Variants in GDAP2 observed in about 807,000 individuals in gnomAD.
The protein encoded by GDAP2 is ganglioside-induced differentiation-associated protein 2.
In GDAP2, 51 loss-of-function variants were observed where a neutral mutation model predicts 67.0. That is an observed-to-expected ratio of 0.76 (90% CI 0.61 to 0.96). The LOEUF (loss-of-function observed/expected upper bound fraction) is 0.96. Ranked by LOEUF, GDAP2 falls within the 40% of genes least tolerant of loss-of-function variation. The pLI is 0.00. For synonymous variants in GDAP2, 203 were observed against 207.3 expected (o/e 0.98, Z 0.18); for missense variants, 547 against 588.3 (o/e 0.93, Z 0.73).
At chr1:117,897,789 TC>T (rs1284906653) in intron 7 of GDAP2, among the ~76,000 whole-genome samples, 1 of 152,124 alleles carries the variant, frequency 6.6e-6, no homozygotes, top group Non-Finnish European at 1.5e-5. Context: ...AGCTGGAGTT[TC>T]CCCACGTCTA....
intron 8 of GDAP2, 107 bp downstream of exon 8, chr1:117,896,726 T>G: frequency 1.5e-6 from 1 of 655,992 alleles, no homozygotes; most frequent in Non-Finnish European, 2.4e-6. Context: ...TCATGAAAAA[T>G]AAATTGGAAT....
Position 117,886,447 on chromosome 1 carries a change from C to A in GDAP2, c.1107+130G>T, listed in dbSNP as rs914661988. On this transcript the variant is annotated intron_variant, in intron 10 of 13. Coordinates refer to ENST00000369443, the MANE Select transcript of GDAP2 (RefSeq NM_017686.4). ...AATGATACAGGTCCACTCATAGAAC[C>A]AGGTCTGCTCCTCTGTCAGTGATAC... is the stretch of plus-strand genomic sequence containing the variant. 8 of 607,234 alleles carry A rather than the reference C, an allele frequency of 1.3e-5. 1 individual carries two copies. In the East Asian group the frequency reaches 1.9e-4, roughly 15 times the overall value. The allele number at this position is 607,234 out of a possible 1,614,324, so 37.6% of individuals were successfully genotyped here.
chr1:117,910,106 T>C (rs541816253), intron 5 of GDAP2, among the ~76,000 whole-genome samples: 24 of 152,220 alleles, frequency 1.6e-4, no homozygotes, highest in African/African-American at 5.3e-4. Context: ...AGGCATGTAA[T>C]AACATAGTAG....
chr1:117,928,960 G>A (rs959639757), intron 1 of GDAP2, among the ~76,000 whole-genome samples: 2 of 152,120 alleles, frequency 1.3e-5, no homozygotes, highest in African/African-American at 4.8e-5. Flanking sequence ...CCCCTCAAGC[G>A]GCCAGAGAGC....
chr1:117,911,994 G>C lies in GDAP2; in HGVS notation c.559C>G (p.Arg187Gly). The C allele has an allele frequency of 1.3e-6, 2 of 1,528,668 alleles. No homozygotes were observed. Among genetic ancestry groups the C allele is most frequent in the Non-Finnish European group, 1.8e-6 (2 of 1,102,620 alleles). The allele number at this position is 1,528,668 out of a possible 1,614,324, so 94.7% of individuals were successfully genotyped here. The change falls in exon 5 of 14, where the codon CGC (arginine) becomes GGC (glycine). Residue 187 changes from arginine (R) to glycine (G), a missense_variant and splice_region_variant. Arg to Gly is a moderately radical substitution (Grantham distance 125). Coordinates refer to ENST00000369443, the MANE Select transcript of GDAP2 (RefSeq NM_017686.4). ...GTACAGCATCTCTGATATTACTTAC[G>C]AAGTGCTATGTGTGTTGCATCCTCT... Reference protein sequence around the residue: ...PLEDATHIALRTVRRFLEIHG... With the variant: ...PLEDATHIALGTVRRFLEIHG...
chr1:117,882,245 A>C (rs1648674622), intron 11 of GDAP2, among the ~76,000 whole-genome samples: 1 of 152,152 alleles, frequency 6.6e-6, no homozygotes, highest in East Asian at 1.9e-4. Context: ...CAAAATTTTA[A>C]ACTAAAAGTT....
chr1:117,927,423 G>C (rs745967247), intron 1 of GDAP2, among the ~76,000 whole-genome samples: 38 of 152,058 alleles, frequency 2.5e-4, no homozygotes, highest in Non-Finnish European at 4.3e-4. Flanking sequence ...AGAGAAAAAT[G>C]GTAACTTTTA....
chr1:117,906,350 C>A (rs1416471186), intron 6 of GDAP2, among the ~76,000 whole-genome samples, 156 bp downstream of exon 6: 2 of 152,126 alleles, frequency 1.3e-5, no homozygotes, highest in African/African-American at 4.8e-5. Flanking sequence ...CCAATATAGT[C>A]TTTTTCAATG....
At position 117,863,728 on chromosome 1, in the gene GDAP2, C is replaced by A. The variant is rs942068758; in HGVS notation, c.*6841G>T. 1 of 152,078 alleles carries A rather than the reference C, an allele frequency of 6.6e-6. No homozygotes were observed. Among genetic ancestry groups the A allele is most frequent in the Non-Finnish European group, 1.5e-5 (1 of 68,018 alleles). The allele number at this position is 152,078 out of a possible 1,614,324, so 9.4% of individuals were successfully genotyped here. A position where few individuals can be genotyped will look rare whatever the true frequency, so the allele number is the denominator to read the frequency against. On this transcript the variant is annotated 3_prime_UTR_variant, in exon 14 of 14. Coordinates refer to ENST00000369443, the MANE Select transcript of GDAP2 (RefSeq NM_017686.4). Reference sequence around the variant, plus strand: ...TTAAATTATGTTTTATAAAAGCATGCGCTTTGGAGTCAGATCTGGATTTGA... The same window carrying A: ...TTAAATTATGTTTTATAAAAGCATGAGCTTTGGAGTCAGATCTGGATTTGA...
chr1:117,881,840 G>T lies in GDAP2; in HGVS notation c.1285C>A (p.Pro429Thr), dbSNP rs1648657168. The T allele has an allele frequency of 1.3e-6, 2 of 1,568,774 alleles. No homozygotes were observed. Among genetic ancestry groups the T allele is most frequent in the Non-Finnish European group, 1.8e-6 (2 of 1,138,872 alleles). ...TACTGTACCTTTGAACGAAATGTGG[G>T]ATGTACAAAATAAACAGCCTTCAAA... ...RNLKAVYFVH[P>T]TFRSKVSTWF... Residue 429 changes from proline (P) to threonine (T), a missense_variant, in exon 12 of 14, where the codon CCC (proline) becomes ACC (threonine). Pro to Thr is a conservative substitution (Grantham distance 38, BLOSUM62 -1). Coordinates refer to ENST00000369443, the MANE Select transcript of GDAP2 (RefSeq NM_017686.4).
At chr1:117,918,534 A>C (rs1272632352) in intron 3 of GDAP2, 63 bp downstream of exon 3, 6 of 1,208,346 alleles carry the variant, frequency 5.0e-6, no homozygotes, top group Non-Finnish European at 4.8e-6. Context: ...ATGCCTCTTT[A>C]AGGTGGAGGA....
At chr1:117,917,462 A>C (rs1025092344) in intron 3 of GDAP2, among the ~76,000 whole-genome samples, 1 of 152,220 alleles carries the variant, frequency 6.6e-6, no homozygotes, top group African/African-American at 2.4e-5. Flanking sequence ...CCTAATGTCC[A>C]TTATTTAATT....
intron 6 of GDAP2, among the ~76,000 whole-genome samples, chr1:117,905,814 G>T (rs1015777717): frequency 2.6e-5 from 4 of 152,074 alleles, no homozygotes; most frequent in African/African-American, 9.7e-5. Flanking sequence ...TGTTATATAT[G>T]TAGCTATATA....
chr1:117,880,030 A>G, intron 12 of GDAP2, among the ~76,000 whole-genome samples: 1 of 152,100 alleles, frequency 6.6e-6, no homozygotes, highest in East Asian at 1.9e-4. Context: ...TACAAAATAA[A>G]AAAAATTAGC....
At chr1:117,896,382 T>C (rs1649265223) in intron 8 of GDAP2, among the ~76,000 whole-genome samples, 1 of 152,140 alleles carries the variant, frequency 6.6e-6, no homozygotes, top group Non-Finnish European at 1.5e-5. Context: ...ATGGAAGAAA[T>C]GGAATGGTTT....
intron 6 of GDAP2, among the ~76,000 whole-genome samples, chr1:117,902,746 C>T (rs1570982727): frequency 6.6e-6 from 1 of 152,216 alleles, no homozygotes; most frequent in Non-Finnish European, 1.5e-5. Context: ...TATTCTGGGT[C>T]TCTTGCATAT....
Position 117,907,477 on chromosome 1 carries a change from G to T in GDAP2, c.560-895C>A, listed in dbSNP as rs114317036. On this transcript the variant is annotated intron_variant, in intron 5 of 13. Coordinates refer to ENST00000369443, the MANE Select transcript of GDAP2 (RefSeq NM_017686.4). ...GTGTAGCCAAATTTGACCCCAACAG[G>T]TCCAAATCCTGACCGCCATCTTTTT... 8.1e-3 allele frequency among the ~76,000 whole-genome samples: 1,238 copies of T among 152,140 alleles called. 12 individuals are homozygous for T. The highest frequency in any genetic ancestry group is 0.013 in the Non-Finnish European group (881 of 68,004).
In GDAP2 at chr1:117,868,208, A is replaced by G. The variant is rs1311318772; in HGVS notation, c.*2361T>C. On this transcript the variant is annotated 3_prime_UTR_variant, in exon 14 of 14. Transcript: ENST00000369443. ...ATCAAGGTCATTATATTTCTCCTCT[A>G]GGATTTGGTACTTTGAAGCAACTTC... 6.6e-6 allele frequency: 1 copy of G among 152,238 alleles called. No homozygotes were observed. Among genetic ancestry groups the G allele is most frequent in the Non-Finnish European group, 1.5e-5 (1 of 68,044 alleles). The allele number at this position is 152,238 out of a possible 1,614,324, so 9.4% of individuals were successfully genotyped here. A position where few individuals can be genotyped will look rare whatever the true frequency, so the allele number is the denominator to read the frequency against.
chr1:117,918,769 G>A (rs1165466575), intron 2 of GDAP2, 33 bp from the exon 3 acceptor site: 1 of 1,533,840 alleles, frequency 6.5e-7, no homozygotes. Flanking sequence ...ACAAGTGTGG[G>A]GAAAAAGAAG....
Sources: allele counts gnomAD v4.1 joint callset (sites outside exome capture counted in the v4.1 genomes callset), GRCh38; gene constraint gnomAD v4.1.1; transcripts MANE v1.5; gene names NCBI Gene and HGNC (gene_info 2026-07-23, HGNC 2026-07-21).